The following SPON1 variants were observed in gnomAD, a reference collection of about 807,000 sequenced individuals.
SPON1 encodes spondin-1.
SPON1 carries 52 observed loss-of-function variants against 111.7 expected under a neutral mutation model. The observed-to-expected ratio is 0.47, with a 90% CI of 0.37 to 0.59. The LOEUF is 0.59. Ranked by LOEUF, SPON1 falls within the 20% of genes least tolerant of loss-of-function variation. The pLI is 0.00. For synonymous variants in SPON1, 410 were observed against 395.8 expected, an observed-to-expected ratio of 1.04 and a Z score of -0.43; for missense variants, 957 against 1,068.5, an observed-to-expected ratio of 0.90 and a Z score of 1.46.
chr11:14,215,817 C>A (rs781809219), intron 6 of SPON1, among the ~76,000 whole-genome samples: 3 of 152,228 alleles, frequency 2.0e-5, no homozygotes, highest in Non-Finnish European at 2.9e-5. Flanking sequence ...GGCTGGTGGT[C>A]TATTTCTGCC....
intron 6 of SPON1, 40 bp from the exon 7 acceptor site, chr11:14,243,292 C>T: frequency 1.3e-6 from 2 of 1,545,952 alleles, no homozygotes; most frequent in Non-Finnish European, 1.8e-6. Context: ...TCCCATGAGC[C>T]CAGCTCTGTT....
rs868908231 is a variant in SPON1, at chr11:14,160,429, A to T, written c.825+24861A>T. On this transcript the variant is annotated intron_variant, in intron 6 of 15. Coordinates refer to ENST00000576479, the MANE Select transcript of SPON1 (RefSeq NM_006108.4). ...TATATATATATATTTATATATATAT[A>T]TTTATATATATATTTATATATATAT... Among the ~76,000 whole-genome samples, 19 of 29,982 alleles carry T rather than the reference A, an allele frequency of 6.3e-4. 1 individual carries two copies. The highest frequency in any genetic ancestry group is 3.0e-3 in the African/African-American group (15 of 4,948). 19.7% of individuals were successfully genotyped at this position (29,982 alleles called of 152,430 possible). A position where few individuals can be genotyped will look rare whatever the true frequency, so the allele number is the denominator to read the frequency against.
intron 6 of SPON1, among the ~76,000 whole-genome samples, chr11:14,145,354 A>T (rs782019116): frequency 6.6e-6 from 1 of 152,208 alleles, no homozygotes; most frequent in African/African-American, 2.4e-5. Flanking sequence ...GAATCTCTGT[A>T]TGAGAGAAAT....
intron 6 of SPON1, among the ~76,000 whole-genome samples, chr11:14,215,497 G>A (rs1848617442): frequency 6.6e-6 from 1 of 152,132 alleles, no homozygotes; most frequent in Non-Finnish European, 1.5e-5. Flanking sequence ...TGGTCTCAGG[G>A]AGTCAGACTT....
intron 2 of SPON1, among the ~76,000 whole-genome samples, chr11:14,033,484 T>G (rs781814734): frequency 4.0e-5 from 6 of 151,616 alleles, no homozygotes; most frequent in Non-Finnish European, 5.9e-5. Flanking sequence ...CAGATCAGAG[T>G]TGAGGAGGGG....
At chr11:14,161,148 C>A (rs1444224904) in intron 6 of SPON1, among the ~76,000 whole-genome samples, 4 of 32,784 alleles carry the variant, frequency 1.2e-4, no homozygotes, top group Non-Finnish European at 2.5e-4. Flanking sequence ...ATCTATATAT[C>A]TATATATTTT....
At chr11:14,093,315 A>G (rs1343673709) in intron 5 of SPON1, among the ~76,000 whole-genome samples, 2 of 152,218 alleles carry the variant, frequency 1.3e-5, no homozygotes, top group African/African-American at 2.4e-5. Flanking sequence ...AGACATGCCC[A>G]TTCTTTGCCA....
chr11:14,162,878 T>G (rs1271072656), intron 6 of SPON1, among the ~76,000 whole-genome samples: 2 of 152,176 alleles, frequency 1.3e-5, no homozygotes, highest in African/African-American at 4.8e-5. Flanking sequence ...TCTGTCAGTG[T>G]TTATAATACT....
At chr11:14,113,887 A>G (rs1849247118) in intron 5 of SPON1, among the ~76,000 whole-genome samples, 1 of 151,972 alleles carries the variant, frequency 6.6e-6, no homozygotes, top group East Asian at 1.9e-4. Flanking sequence ...TACAGGCGTG[A>G]GCCACCGCGC....
intron 5 of SPON1, among the ~76,000 whole-genome samples, chr11:14,101,257 G>A (rs1318603857): frequency 1.3e-5 from 2 of 151,922 alleles, no homozygotes; most frequent in African/African-American, 4.8e-5. Context: ...AAACTTAGCC[G>A]GGAGTGGTGG....
At chr11:14,243,729 G>C (rs1326348477) in intron 7 of SPON1, among the ~76,000 whole-genome samples, 1 of 152,174 alleles carries the variant, frequency 6.6e-6, no homozygotes, top group African/African-American at 2.4e-5. Context: ...AGAGCACACA[G>C]GTGTACTCAT....
intron 2 of SPON1, among the ~76,000 whole-genome samples, chr11:13,985,516 T>C (rs1398949037): frequency 1.3e-5 from 2 of 152,088 alleles, no homozygotes; most frequent in Non-Finnish European, 2.9e-5. Flanking sequence ...AAAGCTGGGG[T>C]TCAAACCCGG....
intron 6 of SPON1, among the ~76,000 whole-genome samples, chr11:14,155,484 AT>A (rs1302927881): frequency 1.5e-5 from 2 of 136,386 alleles, no homozygotes; most frequent in East Asian, 2.4e-4. Flanking sequence ...ACACACATCT[AT>A]TTTTTTATTT....
chr11:14,256,640 T>C lies in SPON1; in HGVS notation c.1257T>C (p.Pro419=). ...ARKGEQCNIV[P]DNVDDIVADL... ...AGGGTGAACAATGCAATATTGTACC[T>C]GACAATGTCGATGATATTGTAGCTG... The change falls in exon 10 of 16, where the codon CCT becomes CCC. Residue 419 remains proline (P), a synonymous_variant. Coordinates refer to ENST00000576479, the MANE Select transcript of SPON1 (RefSeq NM_006108.4). The C allele has an allele frequency of 6.2e-7, 1 of 1,613,606 alleles. No homozygotes were observed. The highest frequency in any genetic ancestry group is 2.2e-5 in the East Asian group (1 of 44,862).
chr11:14,086,711 A>G (rs1160667831), intron 5 of SPON1, among the ~76,000 whole-genome samples: 1 of 152,190 alleles, frequency 6.6e-6, no homozygotes, highest in East Asian at 1.9e-4. Context: ...GAATAGTTTC[A>G]GAAGGAATGG....
chr11:13,974,744 T>C (rs555452022), intron 1 of SPON1, among the ~76,000 whole-genome samples: 1 of 152,298 alleles, frequency 6.6e-6, no homozygotes, highest in Admixed American at 6.5e-5. Context: ...AATCTGAATA[T>C]GAAATGTCCT....
intron 3 of SPON1, among the ~76,000 whole-genome samples, chr11:14,057,734 T>A (rs1848755534): frequency 6.6e-6 from 1 of 150,590 alleles, no homozygotes; most frequent in Non-Finnish European, 1.5e-5. Context: ...CAGTGGCTCA[T>A]CTGTAATCCC....
chr11:14,004,306 A>G (rs1554912839), intron 2 of SPON1, among the ~76,000 whole-genome samples: 1 of 152,224 alleles, frequency 6.6e-6, no homozygotes, highest in Admixed American at 6.5e-5. Flanking sequence ...ACATGGGTCC[A>G]CAGGTGTCTT....
chr11:14,112,296 G>C (rs143014151), intron 5 of SPON1, among the ~76,000 whole-genome samples: 100 of 152,302 alleles, frequency 6.6e-4, no homozygotes, highest in South Asian at 1.2e-3. Flanking sequence ...TTCTAAACCA[G>C]TGAGTCTCCT....
Sources: allele counts gnomAD v4.1 joint callset (sites outside exome capture counted in the v4.1 genomes callset), GRCh38; gene constraint gnomAD v4.1.1; transcripts MANE v1.5; gene names NCBI Gene and HGNC (gene_info 2026-07-23, HGNC 2026-07-21).